Variants in TMTC4 observed in about 807,000 individuals in gnomAD.
The protein encoded by TMTC4 is transmembrane O-mannosyltransferase targeting cadherins 4, also known as protein O-mannosyl-transferase TMTC4.
Under a neutral mutation model 86.0 loss-of-function variants are expected in TMTC4, and 65 were observed. The observed-to-expected ratio is 0.76, with a 90% CI of 0.62 to 0.93. The LOEUF (loss-of-function observed/expected upper bound fraction) is 0.93, where lower values mean the gene tolerates loss of function less well. Among genes scored for constraint, TMTC4 ranks in the 40% least tolerant of loss-of-function variants. The probability of loss-of-function intolerance (pLI) is 0.00; values close to 1 mark genes in which losing one functional copy is unlikely to be tolerated. For missense variants in TMTC4, 866 were observed against 948.1 expected, an observed-to-expected ratio of 0.91 and a Z score of 1.14; for synonymous variants, 379 against 382.5, an observed-to-expected ratio of 0.99 and a Z score of 0.11.
chr13:100,614,417 T>A lies in TMTC4; in HGVS notation c.1850A>T (p.Asn617Ile), dbSNP rs767185745. 3.1e-6 allele frequency: 5 copies of A among 1,613,280 alleles called. No homozygotes were observed. The highest frequency in any genetic ancestry group is 1.1e-5 in the South Asian group (1 of 91,046). Residue 617 changes from asparagine (N) to isoleucine (I), a missense_variant, in exon 16 of 19, where the codon AAT becomes ATT. Physicochemically the swap from Asn to Ile is moderately radical, Grantham distance 149. Transcript: ENST00000342624. ...CGCATTCAAGGCATCCACGTGGCGA[T>A]TGAGATCTGCATACTGAAAATAAAA... Reference protein sequence around the residue: ...YNLGRLYADLNRHVDALNAWR... With the variant: ...YNLGRLYADLIRHVDALNAWR...
chr13:100,671,413 G>A lies in TMTC4; in HGVS notation c.-207-844C>T, dbSNP rs574744218. ...AAATACTTTGTGCTCCTAAATTAGC[G>A]ACTGTACCTCAGATTGCTTAGAACA... On this transcript the variant is annotated intron_variant, in intron 1 of 18. Coordinates refer to ENST00000342624, the MANE Select transcript of TMTC4 (RefSeq NM_032813.5). Among the ~76,000 whole-genome samples, 34 of 152,222 alleles carry A rather than the reference G, an allele frequency of 2.2e-4. No individual in the cohort carries two copies. In the South Asian group the frequency reaches 3.7e-3, roughly 17 times the overall value.
At chr13:100,613,550 T>C (rs576493842) in intron 16 of TMTC4, among the ~76,000 whole-genome samples, 1 of 152,252 alleles carries the variant, frequency 6.6e-6, no homozygotes, top group African/African-American at 2.4e-5. Context: ...GGCATGGACC[T>C]AGTACTATCC....
intron 10 of TMTC4, 140 bp from the exon 11 acceptor site, chr13:100,635,335 G>C: frequency 1.0e-6 from 1 of 958,974 alleles, no homozygotes; most frequent in East Asian, 2.7e-5. Context: ...TCAGCCAAAG[G>C]ATATCATCAG....
rs571739383 is a variant in TMTC4, at chr13:100,612,434, C to T, written c.2028G>A (p.Ser676=). ...LIPNDHSLMF[S]LANVLGKSQK... ...GGGATTTCCCCAGCACGTTTGCCAA[C>T]GAGAACATGAGAGAGTGATCATTAG... is the stretch of plus-strand genomic sequence containing the variant. Residue 676 remains serine (S), a synonymous_variant, in exon 17 of 19, where the codon TCG becomes TCA. Transcript: ENST00000342624. 1.3e-5 allele frequency: 21 copies of T among 1,610,406 alleles called. No individual in the cohort carries two copies. The highest frequency in any genetic ancestry group is 9.4e-5 in the African/African-American group (7 of 74,766).
At chr13:100,607,354 T>C (rs966664554) in intron 17 of TMTC4, among the ~76,000 whole-genome samples, 2 of 152,010 alleles carry the variant, frequency 1.3e-5, no homozygotes, top group African/African-American at 2.4e-5. Context: ...CCGTCTCTAC[T>C]AAAAATACAA....
chr13:100,622,547 T>C (rs145796033), intron 15 of TMTC4, among the ~76,000 whole-genome samples: 2,275 of 152,268 alleles, frequency 0.015, 68 homozygotes, highest in African/African-American at 0.052. Context: ...TCTGATGGTT[T>C]TATAAGGGGA....
chr13:100,651,373 T>G (rs1170815164), intron 6 of TMTC4, among the ~76,000 whole-genome samples: 1 of 152,098 alleles, frequency 6.6e-6, no homozygotes, highest in Admixed American at 6.5e-5. Flanking sequence ...TGCCATTGAT[T>G]TCATCTCACT....
chr13:100,618,643 G>C lies in TMTC4; in HGVS notation c.1837-4213C>G, dbSNP rs202016588. On this transcript the variant is annotated intron_variant, in intron 15 of 18. Transcript: ENST00000342624. ...TAGGCAGAGGACCCTGCGGCCTTCC[G>C]CAGTGTTTGTGTCCCTGGGTACTTG... Among the ~76,000 whole-genome samples the C allele has an allele frequency of 1.9e-3, 287 of 152,046 alleles. 4 individuals carry two copies. In the East Asian group the frequency reaches 0.031, roughly 16 times the overall value.
chr13:100,659,055 A>G (rs1885454463), intron 5 of TMTC4, among the ~76,000 whole-genome samples: 1 of 152,096 alleles, frequency 6.6e-6, no homozygotes, highest in African/African-American at 2.4e-5. Flanking sequence ...TTTTTTTCTC[A>G]CAAATACTGT....
intron 15 of TMTC4, among the ~76,000 whole-genome samples, chr13:100,616,903 A>G (rs571534973): frequency 1.6e-4 from 25 of 152,220 alleles, no homozygotes; most frequent in Admixed American, 8.5e-4. Context: ...ATAGATCTCA[A>G]TATTAGACCT....
intron 12 of TMTC4, among the ~76,000 whole-genome samples, chr13:100,634,154 AAGGTATAATTTT>A (rs988522398): frequency 6.6e-6 from 1 of 151,882 alleles, no homozygotes; most frequent in African/African-American, 2.4e-5. Flanking sequence ...AAAAAAAAAA[AAGGTATAATTTT>A]ATGGGACCAT....
At position 100,655,422 on chromosome 13, in the gene TMTC4, G is replaced by C. The variant is rs527278547; in HGVS notation, c.640+959C>G. 2.0e-5 allele frequency among the ~76,000 whole-genome samples: 3 copies of C among 152,300 alleles called. No individual in the cohort carries two copies. In the South Asian group the frequency reaches 6.2e-4, roughly 32 times the overall value. ...AGATTTAATTGCCAACTTTTGAAAAGGAAGAACCATTATCTGTAGTGAACG... is the reference window on the plus strand; with the variant it reads ...AGATTTAATTGCCAACTTTTGAAAACGAAGAACCATTATCTGTAGTGAACG... On this transcript the variant is annotated intron_variant, in intron 6 of 18. Transcript: ENST00000342624.
chr13:100,616,077 T>C (rs566370542), intron 15 of TMTC4, among the ~76,000 whole-genome samples: 23 of 151,654 alleles, frequency 1.5e-4, no homozygotes, highest in African/African-American at 4.1e-4. Context: ...TTTTTTTTCG[T>C]ATGGTTGTGT....
chr13:100,648,996 AAT>A (rs1884094062), intron 6 of TMTC4, among the ~76,000 whole-genome samples: 1 of 152,128 alleles, frequency 6.6e-6, no homozygotes, highest in South Asian at 2.1e-4. Flanking sequence ...GCTGCCACTC[AAT>A]ATTTTATCCA....
chr13:100,635,335 G>A, intron 10 of TMTC4, 140 bp from the exon 11 acceptor site: 1 of 958,974 alleles, frequency 1.0e-6, no homozygotes, highest in Non-Finnish European at 1.5e-6. Context: ...TCAGCCAAAG[G>A]ATATCATCAG....
intron 6 of TMTC4, among the ~76,000 whole-genome samples, chr13:100,644,997 T>C (rs1405618292): frequency 6.6e-6 from 1 of 152,146 alleles, no homozygotes; most frequent in African/African-American, 2.4e-5. Context: ...GTATTTTTAG[T>C]AGAGACGGGG....
intron 6 of TMTC4, among the ~76,000 whole-genome samples, chr13:100,647,671 T>C (rs1231476057): frequency 1.3e-5 from 2 of 152,194 alleles, no homozygotes; most frequent in Non-Finnish European, 2.9e-5. Context: ...ATATTCCTAG[T>C]TCCTTCATTA....
chr13:100,614,463 C>T (rs747424565), intron 15 of TMTC4, 33 bp from the exon 16 acceptor site: 2 of 1,438,566 alleles, frequency 1.4e-6, no homozygotes, highest in Non-Finnish European at 1.9e-6. Context: ...AATCAGTATT[C>T]CAAGTTTCCT....
At chr13:100,611,528 A>T (rs932225889) in intron 17 of TMTC4, among the ~76,000 whole-genome samples, 14 of 152,144 alleles carry the variant, frequency 9.2e-5, no homozygotes, top group South Asian at 2.1e-4. Context: ...GAGCTTGCAG[A>T]GAGCCGAGAT....
Sources: allele counts gnomAD v4.1 joint callset (sites outside exome capture counted in the v4.1 genomes callset), GRCh38; gene constraint gnomAD v4.1.1; transcripts MANE v1.5; gene names NCBI Gene and HGNC (gene_info 2026-07-23, HGNC 2026-07-21).